Variants in DUSP11 observed in about 807,000 individuals in gnomAD.
The protein encoded by DUSP11 is dual specificity phosphatase 11, also known as RNA/RNP complex-1-interacting phosphatase.
Under a neutral mutation model 41.4 loss-of-function variants are expected in DUSP11, and 27 were observed. The observed-to-expected ratio is 0.65, with a 90% confidence interval of 0.48 to 0.90. The LOEUF is 0.90. Ranked by LOEUF, DUSP11 falls within the 40% of genes least tolerant of loss-of-function variation. DUSP11 has a pLI of 0.00. For missense variants in DUSP11, 465 were observed against 461.1 expected, an observed-to-expected ratio of 1.01 and a Z score of -0.08; for synonymous variants, 188 against 159.3, an observed-to-expected ratio of 1.18 and a Z score of -1.35.
intron 8 of DUSP11, 95 bp downstream of exon 8, chr2:73,766,323 A>C (rs1444829523): frequency 1.6e-5 from 19 of 1,158,618 alleles, no homozygotes; most frequent in African/African-American, 3.2e-5. Context: ...AAAAAAAAAA[A>C]CGAAGAATTC....
At position 73,762,788 on chromosome 2, in the gene DUSP11, T is replaced by C. The variant is rs79821643; in HGVS notation, c.1007A>G (p.Tyr336Cys). 314 of 1,613,352 alleles carry C rather than the reference T, an allele frequency of 1.9e-4. No homozygotes were observed. The highest frequency in any genetic ancestry group is 2.4e-4 in the Non-Finnish European group (284 of 1,179,576). ...ATTCCAAGAATACCTCCTGTGTGAA[T>C]AGTCCTCTCCAGGGGGACCAGGAGG... Residue 336 changes from tyrosine to cysteine, a missense_variant, in exon 9 of 9, where the codon TAT (tyrosine) becomes TGT (cysteine). Transcript: ENST00000272444.
exon 9 of DUSP11, chr2:73,762,712 A>C (rs1323597817): frequency 1.2e-6 from 2 of 1,613,620 alleles, no homozygotes; most frequent in African/African-American, 2.7e-5. Flanking sequence ...AGTAATTATA[A>C]GGATACCACC....
At position 73,768,685 on chromosome 2, in the gene DUSP11, G is replaced by A. The variant is rs900076767; in HGVS notation, c.635+580C>T. 38 of 985,232 alleles carry A rather than the reference G, an allele frequency of 3.9e-5. No individual in the cohort carries two copies. The East Asian group carries it at 4.5e-4, about 12-fold the overall frequency. 61.0% of individuals were successfully genotyped at this position (985,232 alleles called of 1,614,324 possible). Reference sequence around the variant, plus strand: ...AAGAATAAGGAGTCTGGCCAGGCGCGGTGGCTCACTCCTGTAATACCAGCA... The same window carrying A: ...AAGAATAAGGAGTCTGGCCAGGCGCAGTGGCTCACTCCTGTAATACCAGCA... On this transcript the variant is annotated intron_variant, in intron 5 of 8. Coordinates refer to ENST00000272444, the Ensembl canonical transcript of DUSP11.
At chr2:73,773,729 T>TA (rs1339443762) in intron 4 of DUSP11, 71 bp downstream of exon 4, 7 of 1,485,256 alleles carry the variant, frequency 4.7e-6, no homozygotes, top group African/African-American at 2.8e-5. Context: ...GTTGGAACTA[T>TA]AAAAAAATAC....
Position 73,769,458 on chromosome 2 carries a change from CAGAA to C in DUSP11, c.575-137_575-134del, listed in dbSNP as rs1403836102. 1.8e-5 allele frequency: 12 copies of C among 679,386 alleles called. No individual in the cohort carries two copies. In the Admixed American group the frequency reaches 2.8e-4, roughly 16 times the overall value. The allele number at this position is 679,386 out of a possible 1,614,324, so 42.1% of individuals were successfully genotyped here. A position where few individuals can be genotyped will look rare whatever the true frequency, so the allele number is the denominator to read the frequency against. ...GAACATACTATAAAGAATCATCTAA[CAGAA>C]AGCCAAAACTCACTGCTTCTGGGAA... On this transcript the variant is annotated intron_variant, in intron 4 of 8. Coordinates refer to ENST00000272444, the Ensembl canonical transcript of DUSP11.
rs761404100 is a variant in DUSP11 at position 73,779,863 on chromosome 2, A to G, written c.242+11T>C. The G allele has an allele frequency of 1.9e-6, 3 of 1,614,058 alleles. No individual in the cohort carries two copies. Among genetic ancestry groups the G allele is most frequent in the Non-Finnish European group, 2.5e-6 (3 of 1,179,922 alleles). On this transcript the variant is annotated intron_variant, in intron 1 of 8. Transcript: ENST00000272444. ...CTGGAAAGGCCACGCCAAGGGACCAAGACATACTACCTTTCGGGGATGTGG... is the reference window on the plus strand; with the variant it reads ...CTGGAAAGGCCACGCCAAGGGACCAGGACATACTACCTTTCGGGGATGTGG...
intron 2 of DUSP11, among the ~76,000 whole-genome samples, chr2:73,777,116 G>GACT (rs1672703592): frequency 6.6e-6 from 1 of 152,122 alleles, no homozygotes; most frequent in African/African-American, 2.4e-5. Context: ...GAGCAGCTGA[G>GACT]ACTACAAGCA....
intron 4 of DUSP11, chr2:73,773,253 A>C (rs1672619381): frequency 6.5e-6 from 1 of 154,892 alleles, no homozygotes; most frequent in African/African-American, 2.4e-5. Context: ...AAAGCGGAAA[A>C]ACAGCAGAAA....
chr2:73,777,856 C>T (rs1341463003), intron 2 of DUSP11, among the ~76,000 whole-genome samples: 1 of 152,088 alleles, frequency 6.6e-6, no homozygotes, highest in Admixed American at 6.6e-5. Context: ...ATTGAATTTT[C>T]CAGGATAATA....
chr2:73,763,830 T>C (rs559248710), intron 8 of DUSP11, among the ~76,000 whole-genome samples: 1 of 152,376 alleles, frequency 6.6e-6, no homozygotes, highest in South Asian at 2.1e-4. Flanking sequence ...TTTCCTTTTG[T>C]TCTTTTCCCC....
intron 3 of DUSP11, among the ~76,000 whole-genome samples, chr2:73,774,405 CA>C (rs1285675463): frequency 6.6e-6 from 1 of 152,136 alleles, no homozygotes; most frequent in Non-Finnish European, 1.5e-5. Context: ...GAGGCTAAGT[CA>C]AAATCATTTT....
intron 8 of DUSP11, among the ~76,000 whole-genome samples, chr2:73,765,046 G>A (rs1672431934): frequency 6.6e-6 from 1 of 152,198 alleles, no homozygotes; most frequent in African/African-American, 2.4e-5. Flanking sequence ...AATTTTAGGT[G>A]TCAAGTTGAC....
At chr2:73,767,360 A>G (rs1672484951) in intron 5 of DUSP11, 153 bp from the exon 6 acceptor site, 2 of 593,496 alleles carry the variant, frequency 3.4e-6, no homozygotes, top group Admixed American at 6.7e-5. Context: ...AGAATGACAT[A>G]CCATGACCAC....
At chr2:73,771,612 G>C (rs1300101741) in intron 4 of DUSP11, among the ~76,000 whole-genome samples, 1 of 149,982 alleles carries the variant, frequency 6.7e-6, no homozygotes, top group Non-Finnish European at 1.5e-5. Flanking sequence ...CCCTGCCTCA[G>C]CCTCCCGAGT....
chr2:73,777,738 T>C (rs1414253681), intron 2 of DUSP11, among the ~76,000 whole-genome samples: 1 of 152,230 alleles, frequency 6.6e-6, no homozygotes, highest in African/African-American at 2.4e-5. Context: ...TTGGATGTCC[T>C]ATTCAAGATT....
At chr2:73,773,673 C>G in intron 4 of DUSP11, 127 bp downstream of exon 4, 1 of 942,622 alleles carries the variant, frequency 1.1e-6, no homozygotes, top group South Asian at 2.0e-5. Context: ...TTAGCACCAT[C>G]TGACATTTTC....
chr2:73,773,830 T>C (rs1672630692), exon 4 of DUSP11: 1 of 1,608,152 alleles, frequency 6.2e-7, no homozygotes, highest in Admixed American at 1.7e-5. Context: ...AAAAACCCAT[T>C]AACAGCGTGT....
At position 73,769,229 on chromosome 2, in the gene DUSP11, A is replaced by G. The variant is rs201347244; in HGVS notation, c.635+36T>C. 86 of 1,574,926 alleles carry G rather than the reference A, an allele frequency of 5.5e-5. No homozygotes were observed. The East Asian group carries it at 1.5e-3, about 28-fold the overall frequency. On this transcript the variant is annotated intron_variant, in intron 5 of 8. Transcript: ENST00000272444. ...TTACCATTGTAAACAGACAAAAACA[A>G]TTTAAAATGGTCTGCCTCTGGGGTT...
intron 8 of DUSP11, among the ~76,000 whole-genome samples, chr2:73,764,476 G>A (rs1397880182): frequency 6.6e-6 from 1 of 152,052 alleles, no homozygotes. Flanking sequence ...GTGCTAAACT[G>A]TTTAAATTCA....
Sources: gnomAD v4.1 joint callset for allele counts (sites outside exome capture counted in the v4.1 genomes callset) on GRCh38, gnomAD v4.1.1 for gene constraint, MANE v1.5 for transcripts, NCBI Gene and HGNC (gene_info 2026-07-23, HGNC 2026-07-21) for gene names.